Variants in PITPNA observed in about 807,000 individuals in gnomAD.
PITPNA encodes the protein phosphatidylinositol transfer protein alpha.
Under a neutral mutation model 50.3 loss-of-function variants are expected in PITPNA, and 13 were observed. The ratio of observed to expected loss-of-function variants is 0.26; its 90% CI spans 0.17 to 0.41. PITPNA has a LOEUF of 0.41. Ranked by LOEUF, PITPNA falls within the 10% of genes least tolerant of loss-of-function variation. PITPNA has a pLI of 1.00. For missense variants in PITPNA, 207 were observed against 333.4 expected, an observed-to-expected ratio of 0.62 and a Z score of 2.95; for synonymous variants, 120 against 119.6, an observed-to-expected ratio of 1.00 and a Z score of -0.02.
intron 10 of PITPNA, among the ~76,000 whole-genome samples, chr17:1,533,477 G>A (rs1339683244): frequency 1.3e-5 from 2 of 152,164 alleles, no homozygotes; most frequent in South Asian, 4.1e-4. Flanking sequence ...CACACAGTGA[G>A]TGCTTGAATG....
intron 10 of PITPNA, among the ~76,000 whole-genome samples, chr17:1,528,313 G>T (rs1038784159): frequency 6.6e-6 from 1 of 152,170 alleles, no homozygotes; most frequent in African/African-American, 2.4e-5. Context: ...GCTGATTTTT[G>T]TATTTTTAGT....
chr17:1,521,679 C>CCTG, intron 10 of PITPNA, 34 bp from the exon 11 acceptor site: 2 of 1,591,082 alleles, frequency 1.3e-6, no homozygotes, highest in Non-Finnish European at 1.7e-6. Flanking sequence ...ATGGAAGGCT[C>CCTG]CTGCTGCTGA....
intron 10 of PITPNA, among the ~76,000 whole-genome samples, chr17:1,529,848 C>CT (rs1392876894): frequency 2.0e-5 from 3 of 147,102 alleles, no homozygotes; most frequent in Non-Finnish European, 3.0e-5. Context: ...GAGCGAGACT[C>CT]TGTTTCAAAA....
intron 10 of PITPNA, among the ~76,000 whole-genome samples, chr17:1,533,471 C>T (rs1352873258): frequency 3.3e-5 from 5 of 152,166 alleles, no homozygotes; most frequent in African/African-American, 1.2e-4. Flanking sequence ...AGACGGCACA[C>T]AGTGAGTGCT....
intron 9 of PITPNA, among the ~76,000 whole-genome samples, chr17:1,534,832 G>A (rs2075604904): frequency 6.6e-6 from 1 of 152,232 alleles, no homozygotes; most frequent in African/African-American, 2.4e-5. Context: ...GTCCCTGGAA[G>A]GACAGCATTA....
intron 11 of PITPNA, among the ~76,000 whole-genome samples, chr17:1,520,907 T>C (rs2075507500): frequency 6.6e-6 from 1 of 152,162 alleles, no homozygotes; most frequent in South Asian, 2.1e-4. Context: ...CATTCAGTGA[T>C]TAAGACTGCT....
At chr17:1,525,186 C>T (rs1303557366) in intron 10 of PITPNA, among the ~76,000 whole-genome samples, 1 of 151,878 alleles carries the variant, frequency 6.6e-6, no homozygotes, top group Non-Finnish European at 1.5e-5. Context: ...GACGGGGTTT[C>T]ACCATGTTGG....
In PITPNA at chr17:1,562,474, G is replaced by C; in HGVS notation, c.20+67C>G. 1.5e-6 allele frequency: 2 copies of C among 1,308,112 alleles called. No individual in the cohort carries two copies. Among genetic ancestry groups the C allele is most frequent in the Non-Finnish European group, 1.0e-6 (1 of 991,766 alleles). The allele number at this position is 1,308,112 out of a possible 1,614,324, so 81.0% of individuals were successfully genotyped here. A position where few individuals can be genotyped will look rare whatever the true frequency, so the allele number is the denominator to read the frequency against. The stretch of plus-strand genomic sequence containing the variant: ...ATCCGGGCCCTGCGTCCCTCGCCGC[G>C]CCGTCGCCCCGGCGGCCGTCCCCAC... On this transcript the variant is annotated intron_variant, in intron 1 of 11. Transcript: ENST00000313486. The surrounding 1 kb of genome is among the most constrained non-coding windows in gnomAD (Gnocchi z 6.4).
At chr17:1,549,070 G>A (rs1296537853) in intron 3 of PITPNA, among the ~76,000 whole-genome samples, 1 of 151,924 alleles carries the variant, frequency 6.6e-6, no homozygotes, top group Non-Finnish European at 1.5e-5. Context: ...ACCACGCCCA[G>A]CTAATTTTTG....
rs2075485726 is a variant in PITPNA, at chr17:1,518,453, T to C, written c.*2108A>G. 6.6e-6 allele frequency: 1 copy of C among 152,670 alleles called. No homozygotes were observed. Among genetic ancestry groups the C allele is most frequent in the African/African-American group, 2.4e-5 (1 of 41,454 alleles). The allele number at this position is 152,670 out of a possible 1,614,324, so 9.5% of individuals were successfully genotyped here. ...GGGGGTACTTAAAAGAAGCCAACAC[T>C]GTTGCCCAGCAGCAACACCATCCGT... On this transcript the variant is annotated 3_prime_UTR_variant, in exon 12 of 12. Transcript: ENST00000313486.
chr17:1,536,434 C>T (rs2075616648), intron 7 of PITPNA, among the ~76,000 whole-genome samples: 1 of 151,288 alleles, frequency 6.6e-6, no homozygotes, highest in Non-Finnish European at 1.5e-5. Flanking sequence ...ACGACAGGTG[C>T]CCGCCACCAT....
intron 6 of PITPNA, among the ~76,000 whole-genome samples, chr17:1,541,015 C>T (rs1421204877): frequency 1.3e-5 from 2 of 152,164 alleles, no homozygotes; most frequent in South Asian, 2.1e-4. Context: ...CCTCCAGCCT[C>T]GGCCTCCAGA....
At chr17:1,551,604 T>C (rs143874165) in intron 3 of PITPNA, among the ~76,000 whole-genome samples, 241 of 152,318 alleles carry the variant, frequency 1.6e-3, no homozygotes, top group African/African-American at 5.6e-3. Context: ...CCAGGTTCCA[T>C]CTTTCATATG....
Position 1,548,277 on chromosome 17 carries a change from T to A in PITPNA, c.289+19A>T, listed in dbSNP as rs764419878. The A allele has an allele frequency of 6.4e-7, 1 of 1,554,374 alleles. No homozygotes were observed. The highest frequency in any genetic ancestry group is 8.8e-7 in the Non-Finnish European group (1 of 1,140,294). On this transcript the variant is annotated intron_variant, in intron 4 of 11. Transcript: ENST00000313486. ...GCTGCCCGCCCCTGCCTGGCCGACG[T>A]GGCCCCGGCTGCACTCACCGGTTCT...
chr17:1,562,502 T>G lies in PITPNA; in HGVS notation c.20+39A>C. 9.7e-5 allele frequency: 83 copies of G among 854,572 alleles called. No homozygotes were observed. The highest frequency in any genetic ancestry group is 1.3e-4 in the Non-Finnish European group (74 of 591,654). 52.9% of individuals were successfully genotyped at this position (854,572 alleles called of 1,614,324 possible). ...GTCGCCCCGGCGGCCGTCCCCACCC[T>G]CCCTCCTCCCCGCTTCCGCACGGCC... On this transcript the variant is annotated intron_variant, in intron 1 of 11. Transcript: ENST00000313486. This position sits in a 1 kb window ranked among gnomAD's most constrained non-coding sequence, Gnocchi z 6.4.
At chr17:1,547,905 A>C (rs946785411) in intron 4 of PITPNA, among the ~76,000 whole-genome samples, 6 of 152,240 alleles carry the variant, frequency 3.9e-5, no homozygotes, top group African/African-American at 1.2e-4. Flanking sequence ...GAGGCAGCAG[A>C]ATTGCTTGAA....
intron 10 of PITPNA, among the ~76,000 whole-genome samples, chr17:1,521,965 T>A (rs2075516325): frequency 6.7e-6 from 1 of 149,268 alleles, no homozygotes; most frequent in African/African-American, 2.5e-5. Flanking sequence ...CCTCACACGA[T>A]CCTCTGCCTC....
rs1442362221 is a variant in PITPNA, at chr17:1,520,416, TA to T, written c.*144del. On this transcript the variant is annotated 3_prime_UTR_variant, in exon 12 of 12. Coordinates refer to ENST00000313486, the MANE Select transcript of PITPNA (RefSeq NM_006224.4). ...CACAATACTGAAGGGCATCTAGAAT[TA>T]GCTACAGTAAGGAATCGAAAGTTGC... 6.6e-6 allele frequency: 1 copy of T among 152,476 alleles called. No homozygotes were observed. Among genetic ancestry groups the T allele is most frequent in the African/African-American group, 2.4e-5 (1 of 41,362 alleles). The allele number at this position is 152,476 out of a possible 1,614,324, so 9.4% of individuals were successfully genotyped here. A position where few individuals can be genotyped will look rare whatever the true frequency, so the allele number is the denominator to read the frequency against.
At chr17:1,521,554 G>A (rs776485997) in intron 11 of PITPNA, 25 bp downstream of exon 11, 35 of 1,532,768 alleles carry the variant, frequency 2.3e-5, no homozygotes, top group African/African-American at 1.8e-4. Flanking sequence ...TCTGTGACAC[G>A]CACAGTGAGA....
Sources: gnomAD v4.1 joint callset for allele counts (sites outside exome capture counted in the v4.1 genomes callset) on GRCh38, gnomAD v4.1.1 for gene constraint, Gnocchi (gnomAD v3.1) non-coding constraint, MANE v1.5 for transcripts, NCBI Gene and HGNC (gene_info 2026-07-23, HGNC 2026-07-21) for gene names.